Variants in CUL2 observed in about 807,000 individuals in gnomAD.
CUL2 encodes the protein cullin-2.
CUL2 carries 22 observed loss-of-function variants against 110.2 expected under a neutral mutation model. That is an observed-to-expected ratio of 0.20 (90% CI 0.14 to 0.28). CUL2 has a LOEUF of 0.28. Among genes scored for constraint, CUL2 ranks in the 10% least tolerant of loss-of-function variants. The probability of loss-of-function intolerance (pLI) is 1.00; values close to 1 mark genes in which losing one functional copy is unlikely to be tolerated. For synonymous variants in CUL2, 279 were observed against 293.2 expected (o/e 0.95, Z 0.49); for missense variants, 631 against 905.5 (o/e 0.70, Z 3.89).
intron 2 of CUL2, among the ~76,000 whole-genome samples, chr10:35,069,210 G>A (rs1033040862): frequency 2.2e-4 from 33 of 152,028 alleles, no homozygotes; most frequent in African/African-American, 8.0e-4. Flanking sequence ...TATTTTGGGG[G>A]TGAGAGAAAA....
intron 17 of CUL2, among the ~76,000 whole-genome samples, chr10:35,020,581 A>T (rs1337873798): frequency 6.6e-6 from 1 of 152,240 alleles, no homozygotes; most frequent in Non-Finnish European, 1.5e-5. Context: ...CATACTATGT[A>T]CTGTCTGGTG....
intron 17 of CUL2, among the ~76,000 whole-genome samples, chr10:35,021,558 TTAAA>T (rs892006662): frequency 6.6e-6 from 1 of 152,028 alleles, no homozygotes; most frequent in Non-Finnish European, 1.5e-5. Flanking sequence ...TGAATATGTA[TTAAA>T]TAAAAACCCA....
At chr10:35,076,777 C>T (rs34304999) in intron 1 of CUL2, among the ~76,000 whole-genome samples, 46,656 of 151,940 alleles carry the variant, frequency 0.31, 7,514 homozygotes, top group South Asian at 0.35. Flanking sequence ...TGGCCAGGCA[C>T]GGTGGCTCAC....
intron 1 of CUL2, among the ~76,000 whole-genome samples, chr10:35,082,108 G>A (rs1395280693): frequency 6.6e-6 from 1 of 151,160 alleles, no homozygotes; most frequent in Non-Finnish European, 1.5e-5. Flanking sequence ...ACCAGCCTGG[G>A]AACACAGCAA....
chr10:35,086,348 G>A (rs1376924880), intron 1 of CUL2, among the ~76,000 whole-genome samples: 1 of 152,034 alleles, frequency 6.6e-6, no homozygotes, highest in African/African-American at 2.4e-5. Flanking sequence ...ACCCAGGCTG[G>A]AGTATAGTGG....
chr10:35,041,531 G>A (rs750548235), intron 8 of CUL2, among the ~76,000 whole-genome samples: 1 of 140,902 alleles, frequency 7.1e-6, no homozygotes, highest in African/African-American at 2.5e-5. Flanking sequence ...TTCCTGAAAT[G>A]AGCTTTTCTT....
chr10:35,096,323 G>T (rs1363010793), intron 2 of CUL2, among the ~76,000 whole-genome samples: 3 of 151,966 alleles, frequency 2.0e-5, no homozygotes, highest in Non-Finnish European at 4.4e-5. Context: ...CTGACGTGAT[G>T]GCCGGGTACA....
At chr10:35,062,461 G>T (rs1030842839) in intron 3 of CUL2, among the ~76,000 whole-genome samples, 1 of 152,104 alleles carries the variant, frequency 6.6e-6, no homozygotes, top group African/African-American at 2.4e-5. Context: ...CAAACCCTGA[G>T]CTGACCCTCT....
chr10:35,067,236 AG>A (rs927659676), intron 2 of CUL2, among the ~76,000 whole-genome samples: 3 of 152,042 alleles, frequency 2.0e-5, no homozygotes, highest in Non-Finnish European at 2.9e-5. Flanking sequence ...AAATACGTTG[AG>A]GGAAGGCAAT....
At chr10:35,061,050 T>C in intron 3 of CUL2, 82 bp from the exon 4 acceptor site, 1 of 1,392,840 alleles carries the variant, frequency 7.2e-7, no homozygotes, top group Non-Finnish European at 9.7e-7. Context: ...AAAATTAATG[T>C]TCTAAAATAA....
chr10:35,026,347 GA>G (rs1274402226), intron 16 of CUL2, among the ~76,000 whole-genome samples: 3 of 152,110 alleles, frequency 2.0e-5, no homozygotes, highest in African/African-American at 7.2e-5. Context: ...AACTCCCAGG[GA>G]TATCAATAAA....
At chr10:35,034,262 T>C (rs754126665) in intron 10 of CUL2, among the ~76,000 whole-genome samples, 23 of 152,208 alleles carry the variant, frequency 1.5e-4, no homozygotes, top group Non-Finnish European at 2.4e-4. Flanking sequence ...AACGTAATAA[T>C]GTAAACTAGT....
chr10:35,014,529 C>G (rs986154450), intron 18 of CUL2, among the ~76,000 whole-genome samples: 1 of 152,064 alleles, frequency 6.6e-6, no homozygotes, highest in Non-Finnish European at 1.5e-5. Flanking sequence ...AAGGAATGGA[C>G]AGATTCATAA....
chr10:35,037,622 G>C (rs772029706), intron 9 of CUL2, among the ~76,000 whole-genome samples: 27 of 152,128 alleles, frequency 1.8e-4, no homozygotes, highest in Non-Finnish European at 2.5e-4. Context: ...AAGGCAGGTG[G>C]ATCACGAGCT....
At chr10:35,109,769 G>C (rs1007756779) in intron 1 of CUL2, among the ~76,000 whole-genome samples, 2 of 152,232 alleles carry the variant, frequency 1.3e-5, no homozygotes, top group Non-Finnish European at 2.9e-5. Context: ...GCCAAATCTT[G>C]TAGGACTTTA....
intron 4 of CUL2, among the ~76,000 whole-genome samples, chr10:35,057,677 A>C (rs923495472): frequency 2.0e-5 from 3 of 152,012 alleles, no homozygotes; most frequent in Non-Finnish European, 4.4e-5. Flanking sequence ...GAAAAAAAGA[A>C]AATAAAGTCA....
intron 6 of CUL2, among the ~76,000 whole-genome samples, chr10:35,048,225 A>T (rs2086001952): frequency 6.6e-6 from 1 of 152,172 alleles, no homozygotes; most frequent in South Asian, 2.1e-4. Context: ...ACTCTAAGAG[A>T]GCTGTCATGA....
intron 1 of CUL2, among the ~76,000 whole-genome samples, chr10:35,073,927 A>C (rs2086749793): frequency 6.6e-6 from 1 of 152,134 alleles, no homozygotes; most frequent in Non-Finnish European, 1.5e-5. Flanking sequence ...TTTTCTGAAT[A>C]AGAAAACTGA....
At chr10:35,047,185 C>G (rs1183224858) in intron 6 of CUL2, among the ~76,000 whole-genome samples, 1 of 152,134 alleles carries the variant, frequency 6.6e-6, no homozygotes, top group Non-Finnish European at 1.5e-5. Flanking sequence ...ATCAGGAATT[C>G]TATTCACTGT....
Sources: gnomAD v4.1 joint callset for allele counts (sites outside exome capture counted in the v4.1 genomes callset) on GRCh38, gnomAD v4.1.1 for gene constraint, MANE v1.5 for transcripts, NCBI Gene and HGNC (gene_info 2026-07-23, HGNC 2026-07-21) for gene names.